NEK6: variants seen among roughly 807,000 people sequenced by gnomAD.
NEK6 encodes the protein serine/threonine-protein kinase Nek6.
In NEK6, 27 loss-of-function variants were observed where a neutral mutation model predicts 43.5. That is an observed-to-expected ratio of 0.62 (90% CI 0.46 to 0.86). The LOEUF (loss-of-function observed/expected upper bound fraction) is 0.86, where lower values mean the gene tolerates loss of function less well. NEK6 is among the 40% of genes least tolerant of loss of function. The probability of loss-of-function intolerance (pLI) is 0.00; values close to 1 mark genes in which losing one functional copy is unlikely to be tolerated. For synonymous variants in NEK6, 167 were observed against 164.1 expected (o/e 1.02, Z -0.14); for missense variants, 318 against 414.4 (o/e 0.77, Z 2.02).
At chr9:124,332,231 G>A (rs1829036430) in intron 7 of NEK6, among the ~76,000 whole-genome samples, 1 of 152,240 alleles carries the variant, frequency 6.6e-6, no homozygotes, top group Non-Finnish European at 1.5e-5. Context: ...CCCCGGGAAG[G>A]CTGGCTTGGC....
chr9:124,282,373 C>A (rs10122235), intron 1 of NEK6, among the ~76,000 whole-genome samples: 159 of 152,350 alleles, frequency 1.0e-3, no homozygotes, highest in African/African-American at 3.5e-3. Context: ...TAGAAAGACA[C>A]CCGTCATTGA....
At chr9:124,272,657 C>T (rs1831494025) in intron 1 of NEK6, among the ~76,000 whole-genome samples, 2 of 152,250 alleles carry the variant, frequency 1.3e-5, no homozygotes, top group Non-Finnish European at 2.9e-5. Flanking sequence ...TCCCCAGGCT[C>T]TCCTGAGACT....
intron 2 of NEK6, among the ~76,000 whole-genome samples, chr9:124,302,891 C>G (rs746144365): frequency 1.9e-4 from 29 of 152,234 alleles, no homozygotes; most frequent in Non-Finnish European, 2.2e-4. Flanking sequence ...CAATCCCACA[C>G]CGGGCACAGA....
chr9:124,278,134 G>A (rs948657765), intron 1 of NEK6, among the ~76,000 whole-genome samples: 4 of 152,098 alleles, frequency 2.6e-5, no homozygotes, highest in African/African-American at 7.2e-5. Flanking sequence ...CATTACTGTC[G>A]ACTGCAGTAC....
chr9:124,290,266 G>A (rs1457612925), intron 1 of NEK6, among the ~76,000 whole-genome samples: 1 of 152,234 alleles, frequency 6.6e-6, no homozygotes, highest in African/African-American at 2.4e-5. Flanking sequence ...CCCACTAGCA[G>A]GGTTGTAGGG....
At chr9:124,293,047 G>T in intron 1 of NEK6, 3 of 1,465,730 alleles carry the variant, frequency 2.0e-6, no homozygotes, top group Non-Finnish European at 2.7e-6. Flanking sequence ...GCAGGCAGGG[G>T]TCTCTGGGAT....
chr9:124,332,615 G>T (rs1350640042), intron 7 of NEK6, among the ~76,000 whole-genome samples: 1 of 152,232 alleles, frequency 6.6e-6, no homozygotes, highest in African/African-American at 2.4e-5. Context: ...TCCACCATCT[G>T]GGGAAGAGGG....
chr9:124,292,183 G>C, intron 1 of NEK6: 1 of 1,263,954 alleles, frequency 7.9e-7, no homozygotes, highest in Non-Finnish European at 1.0e-6. Flanking sequence ...GGGACCTCCA[G>C]GGCTGGAGCT....
chr9:124,266,780 A>G (rs1831246501), intron 1 of NEK6, among the ~76,000 whole-genome samples: 2 of 152,244 alleles, frequency 1.3e-5, no homozygotes, highest in African/African-American at 4.8e-5. Context: ...GAATGTTTAT[A>G]TGGAGTGAAC....
At chr9:124,322,207 CTTCATT>C (rs1455004675) in intron 5 of NEK6, among the ~76,000 whole-genome samples, 1 of 152,152 alleles carries the variant, frequency 6.6e-6, no homozygotes, top group Non-Finnish European at 1.5e-5. Context: ...AGAGGGGGAA[CTTCATT>C]TCCATGTTAG....
At chr9:124,272,942 C>T (rs144969208) in intron 1 of NEK6, among the ~76,000 whole-genome samples, 1 of 152,286 alleles carries the variant, frequency 6.6e-6, no homozygotes, top group East Asian at 1.9e-4. Flanking sequence ...TTTTTTAATT[C>T]TTGGCAGCAG....
chr9:124,273,641 G>A (rs937966219), intron 1 of NEK6, among the ~76,000 whole-genome samples: 13 of 152,160 alleles, frequency 8.5e-5, no homozygotes, highest in Non-Finnish European at 1.6e-4. Flanking sequence ...TCCTTAAACG[G>A]CAAAGAAACA....
intron 1 of NEK6, among the ~76,000 whole-genome samples, chr9:124,280,816 A>G (rs1423823947): frequency 6.6e-6 from 1 of 152,068 alleles, no homozygotes; most frequent in African/African-American, 2.4e-5. Flanking sequence ...TTTTTGAGAC[A>G]GGGTCTTGCT....
rs1831617470 is a variant in NEK6 at position 124,275,543 on chromosome 9, A to G, written c.-30+17458A>G. On this transcript the variant is annotated intron_variant, in intron 1 of 9. Coordinates refer to ENST00000320246, the MANE Select transcript of NEK6 (RefSeq NM_014397.6). The surrounding 1 kb of genome is among the most constrained non-coding windows in gnomAD (Gnocchi z 4.4). ...ATGCTTTCCTTCTCACTTCTCAGACATCACTGCTTCTGGGGAGTCTCCTCT... is the reference window on the plus strand; with the variant it reads ...ATGCTTTCCTTCTCACTTCTCAGACGTCACTGCTTCTGGGGAGTCTCCTCT... Among the ~76,000 whole-genome samples the G allele has an allele frequency of 6.6e-6, 1 of 152,210 alleles. No homozygotes were observed. The highest frequency in any genetic ancestry group is 2.4e-5 in the African/African-American group (1 of 41,436).
At position 124,321,462 on chromosome 9, in the gene NEK6, C is replaced by A. The variant is rs768754460; in HGVS notation, c.298C>A (p.Leu100Met). 2 of 1,609,984 alleles carry A rather than the reference C, an allele frequency of 1.2e-6. No individual in the cohort carries two copies. The highest frequency in any genetic ancestry group is 1.7e-6 in the Non-Finnish European group (2 of 1,176,448). ...CCCTCTTTCCCTCCTCATGCAGCAA[C>A]TGAACCACCCAAATATCATCAAGTA... ...CVKEIGLLKQ[L>M]NHPNIIKYLD... Residue 100 changes from leucine to methionine, a missense_variant, in exon 5 of 10, where the codon CTG becomes ATG. Transcript: ENST00000320246.
chr9:124,277,103 C>T (rs550431798), intron 1 of NEK6, among the ~76,000 whole-genome samples: 3 of 152,284 alleles, frequency 2.0e-5, no homozygotes, highest in African/African-American at 7.2e-5. Context: ...CCACTGTGGA[C>T]ATTCCTGAGC....
rs1294108462 is a variant in NEK6, at chr9:124,351,252, A to C, written c.*305A>C. ...GGCAGCCCCCTGTATCTGGATTGTA[A>C]TGTGAATCTTTAGGGTAATTCCTCC... On this transcript the variant is annotated 3_prime_UTR_variant, in exon 10 of 10. Coordinates refer to ENST00000320246, the MANE Select transcript of NEK6 (RefSeq NM_014397.6). 1 of 294,358 alleles carries C rather than the reference A, an allele frequency of 3.4e-6. No individual in the cohort carries two copies. Among genetic ancestry groups the C allele is most frequent in the Non-Finnish European group, 6.5e-6 (1 of 153,418 alleles). 18.2% of individuals were successfully genotyped at this position (294,358 alleles called of 1,614,324 possible).
chr9:124,308,569 T>A (rs1243033813), intron 2 of NEK6, among the ~76,000 whole-genome samples: 1 of 150,356 alleles, frequency 6.7e-6, no homozygotes, highest in Non-Finnish European at 1.5e-5. Flanking sequence ...GGCAGGAGAA[T>A]CGCTTGAACC....
chr9:124,334,972 G>A (rs569409825), intron 7 of NEK6, among the ~76,000 whole-genome samples: 6 of 152,286 alleles, frequency 3.9e-5, no homozygotes, highest in South Asian at 2.1e-4. Flanking sequence ...AGACAGGAAG[G>A]GGCTTGGCCA....
Sources: allele counts gnomAD v4.1 joint callset (sites outside exome capture counted in the v4.1 genomes callset), GRCh38; gene constraint gnomAD v4.1.1; non-coding constraint Gnocchi (gnomAD v3.1); transcripts MANE v1.5; gene names NCBI Gene and HGNC (gene_info 2026-07-23, HGNC 2026-07-21).